NSUN6: variants seen among roughly 807,000 people sequenced by gnomAD.
The protein encoded by NSUN6 is NOP2/Sun RNA methyltransferase 6, also known as tRNA (cytosine(72)-C(5))-methyltransferase NSUN6.
A neutral mutation model predicts 58.0 loss-of-function variants in NSUN6; 64 were observed. The observed-to-expected ratio is 1.10, with a 90% CI of 0.90 to 1.36. The LOEUF (loss-of-function observed/expected upper bound fraction) is 1.36. Ranked by LOEUF, NSUN6 falls within the 40% of genes most tolerant of loss-of-function variation. The probability of loss-of-function intolerance (pLI) is 0.00; values close to 1 mark genes in which losing one functional copy is unlikely to be tolerated. For missense variants in NSUN6, 701 were observed against 550.1 expected, an observed-to-expected ratio of 1.27 and a Z score of -2.74; for synonymous variants, 231 against 193.9, an observed-to-expected ratio of 1.19 and a Z score of -1.59.
At chr10:18,638,689 A>C (rs551196197) in intron 3 of NSUN6, among the ~76,000 whole-genome samples, 3 of 152,146 alleles carry the variant, frequency 2.0e-5, no homozygotes, top group South Asian at 4.1e-4. Context: ...GGCCTGAAAC[A>C]ACCAGACTCA....
chr10:18,622,431 C>A (rs1210073154), intron 3 of NSUN6, among the ~76,000 whole-genome samples: 3 of 152,136 alleles, frequency 2.0e-5, no homozygotes, highest in Admixed American at 1.3e-4. Flanking sequence ...AGATGGAAAT[C>A]AGCTGCGCAC....
intron 6 of NSUN6, among the ~76,000 whole-genome samples, chr10:18,609,483 A>C (rs953234273): frequency 6.6e-6 from 1 of 152,156 alleles, no homozygotes; most frequent in African/African-American, 2.4e-5. Context: ...AATTATAATA[A>C]TACTACCAAA....
chr10:18,600,978 G>GTATATATATATATACACA (rs1178235903), intron 6 of NSUN6, among the ~76,000 whole-genome samples: 4 of 77,004 alleles, frequency 5.2e-5, no homozygotes, highest in Non-Finnish European at 1.0e-4. Flanking sequence ...ATATATATAT[G>GTATATATATATATACACA]TATATATATA....
intron 3 of NSUN6, among the ~76,000 whole-genome samples, chr10:18,631,188 T>C (rs1172133388): frequency 1.3e-5 from 2 of 152,056 alleles, no homozygotes; most frequent in African/African-American, 4.8e-5. Context: ...AAAAGGCCTT[T>C]GACAAAATTC....
At chr10:18,586,733 G>A (rs528056061) in intron 7 of NSUN6, among the ~76,000 whole-genome samples, 6 of 152,328 alleles carry the variant, frequency 3.9e-5, no homozygotes, top group Admixed American at 6.5e-5. Flanking sequence ...TGTGAAGAAC[G>A]AAAGAACAAA....
At chr10:18,614,939 C>G (rs2058358779) in intron 4 of NSUN6, among the ~76,000 whole-genome samples, 1 of 152,110 alleles carries the variant, frequency 6.6e-6, no homozygotes, top group South Asian at 2.1e-4. Context: ...CTTGACATCT[C>G]AGCTCAAACC....
At chr10:18,578,567 G>A (rs1041379640) in intron 8 of NSUN6, among the ~76,000 whole-genome samples, 6 of 152,062 alleles carry the variant, frequency 3.9e-5, no homozygotes, top group African/African-American at 9.7e-5. Context: ...AGGGCTCTCC[G>A]TTGCTTACAG....
intron 3 of NSUN6, among the ~76,000 whole-genome samples, chr10:18,626,632 A>G (rs11815892): frequency 0.012 from 1,772 of 152,194 alleles, 36 homozygotes; most frequent in African/African-American, 0.041. Context: ...GCTCAGCGTG[A>G]TGCCAGACGC....
At chr10:18,630,074 C>T (rs1207505965) in intron 3 of NSUN6, among the ~76,000 whole-genome samples, 2 of 144,374 alleles carry the variant, frequency 1.4e-5, no homozygotes, top group Non-Finnish European at 3.0e-5. Flanking sequence ...ACAGTGCAAT[C>T]AAACTAGAAC....
intron 3 of NSUN6, among the ~76,000 whole-genome samples, chr10:18,642,141 A>G (rs1186987476): frequency 6.6e-6 from 1 of 152,186 alleles, no homozygotes; most frequent in African/African-American, 2.4e-5. Flanking sequence ...TTGCAGCTCA[A>G]AAAAGAGTTT....
chr10:18,618,715 C>T (rs1291817545), intron 3 of NSUN6, among the ~76,000 whole-genome samples: 2 of 147,712 alleles, frequency 1.4e-5, no homozygotes, highest in South Asian at 2.1e-4. Flanking sequence ...ACGTAAAGTG[C>T]TTTTTCATGA....
chr10:18,588,391 C>T (rs1011228340), intron 7 of NSUN6, among the ~76,000 whole-genome samples: 17 of 152,212 alleles, frequency 1.1e-4, no homozygotes, highest in African/African-American at 4.1e-4. Flanking sequence ...GAAGCTGATC[C>T]TGACAAGGGG....
At chr10:18,584,090 C>G (rs1261394498) in intron 8 of NSUN6, among the ~76,000 whole-genome samples, 1 of 152,166 alleles carries the variant, frequency 6.6e-6, no homozygotes, top group Non-Finnish European at 1.5e-5. Flanking sequence ...ACTTTCACCT[C>G]CAGGGGGTGG....
chr10:18,615,981 G>GA (rs758423302), intron 4 of NSUN6, among the ~76,000 whole-genome samples: 361 of 140,150 alleles, frequency 2.6e-3, no homozygotes, highest in East Asian at 6.0e-3. Context: ...TATTTGGAAG[G>GA]AAAAAAAAAA....
chr10:18,646,423 T>C (rs1258857144), intron 2 of NSUN6, among the ~76,000 whole-genome samples: 1 of 152,170 alleles, frequency 6.6e-6, no homozygotes, highest in Non-Finnish European at 1.5e-5. Flanking sequence ...GAAGCTTCCC[T>C]GTCCAACGTT....
intron 3 of NSUN6, among the ~76,000 whole-genome samples, chr10:18,625,100 G>A (rs1201061063): frequency 6.6e-6 from 1 of 152,158 alleles, no homozygotes; most frequent in Non-Finnish European, 1.5e-5. Context: ...GGACCTCACT[G>A]AGACAGCCTG....
intron 3 of NSUN6, among the ~76,000 whole-genome samples, chr10:18,637,224 A>C (rs569567758): frequency 7.2e-5 from 11 of 152,228 alleles, no homozygotes; most frequent in African/African-American, 2.6e-4. Context: ...GGGCCTCCCA[A>C]AGTGCTGGGA....
chr10:18,620,068 T>C (rs1015758998), intron 3 of NSUN6, among the ~76,000 whole-genome samples: 2 of 148,808 alleles, frequency 1.3e-5, no homozygotes, highest in African/African-American at 2.5e-5. Context: ...AAAATACACA[T>C]CTAATTTTTA....
intron 10 of NSUN6, among the ~76,000 whole-genome samples, chr10:18,546,403 C>G (rs1359597164): frequency 6.6e-6 from 1 of 152,142 alleles, no homozygotes; most frequent in Non-Finnish European, 1.5e-5. Context: ...TTATCAAAGG[C>G]CTGAGCTTCC....
Sources: allele counts gnomAD v4.1 joint callset (sites outside exome capture counted in the v4.1 genomes callset), GRCh38; gene constraint gnomAD v4.1.1; transcripts MANE v1.5; gene names NCBI Gene and HGNC (gene_info 2026-07-23, HGNC 2026-07-21).